The following PGR variants were observed in gnomAD, a reference collection of about 807,000 sequenced individuals.
PGR encodes the protein progesterone receptor.
Under a neutral mutation model 76.1 loss-of-function variants are expected in PGR, and 25 were observed. The ratio of observed to expected loss-of-function variants is 0.33; its 90% CI spans 0.24 to 0.46. The LOEUF is 0.46. Among genes scored for constraint, PGR ranks in the 20% least tolerant of loss-of-function variants. The pLI, the probability that PGR is intolerant of heterozygous loss-of-function variation, is 1.00. For synonymous variants in PGR, 579 were observed against 535.0 expected (o/e 1.08, Z -1.14); for missense variants, 1,172 against 1,225.3 (o/e 0.96, Z 0.65).
chr11:101,052,644 G>T (rs1368088428), intron 4 of PGR, among the ~76,000 whole-genome samples: 1 of 152,070 alleles, frequency 6.6e-6, no homozygotes, highest in Non-Finnish European at 1.5e-5. Flanking sequence ...GGATTCAAGG[G>T]AATAAGTCTG....
chr11:101,051,677 G>T, intron 4 of PGR, 109 bp from the exon 5 acceptor site: 2 of 771,350 alleles, frequency 2.6e-6, no homozygotes, highest in Non-Finnish European at 4.6e-6. Context: ...GTAATAAAAT[G>T]TTTTCAATCC....
At chr11:101,127,008 A>C (rs896105200) in intron 1 of PGR, 1 of 152,706 alleles carries the variant, frequency 6.5e-6, no homozygotes, top group Non-Finnish European at 1.5e-5. Context: ...CAAGACAAGC[A>C]CTCCTGGTAA....
rs993882020 is a variant in PGR, at chr11:101,129,404, G to A, written c.-334C>T. Reference sequence around the variant, plus strand: ...AGAGAGTTCTCCAACTTCTGTCCGAGGACTGGAGACGCAGAGTACTCACAA... The same window carrying A: ...AGAGAGTTCTCCAACTTCTGTCCGAAGACTGGAGACGCAGAGTACTCACAA... On this transcript the variant is annotated 5_prime_UTR_variant, in exon 1 of 8. Coordinates refer to ENST00000325455, the MANE Select transcript of PGR (RefSeq NM_000926.4). The A allele has an allele frequency of 3.2e-6, 1 of 315,038 alleles. No homozygotes were observed. The highest frequency in any genetic ancestry group is 5.9e-6 in the Non-Finnish European group (1 of 170,822). 19.5% of individuals were successfully genotyped at this position (315,038 alleles called of 1,614,324 possible). A position where few individuals can be genotyped will look rare whatever the true frequency, so the allele number is the denominator to read the frequency against.
At chr11:101,067,056 C>G (rs900500467) in intron 3 of PGR, among the ~76,000 whole-genome samples, 7 of 152,126 alleles carry the variant, frequency 4.6e-5, no homozygotes, top group Non-Finnish European at 1.0e-4. Flanking sequence ...GCCCAACTTA[C>G]CCTTGCATAG....
chr11:101,118,235 C>G (rs1345104543), intron 2 of PGR, among the ~76,000 whole-genome samples: 10 of 152,168 alleles, frequency 6.6e-5, no homozygotes, highest in Admixed American at 5.2e-4. Context: ...AAAAATAGAA[C>G]CTGTCTCATA....
At chr11:101,091,632 G>C (rs1218107820) in intron 3 of PGR, 128 bp downstream of exon 3, 2 of 695,762 alleles carry the variant, frequency 2.9e-6, no homozygotes, top group African/African-American at 1.8e-5. Flanking sequence ...CACATGTGCA[G>C]AGTCACTGCC....
chr11:101,109,889 A>C (rs531465889), intron 2 of PGR, among the ~76,000 whole-genome samples: 2 of 152,324 alleles, frequency 1.3e-5, no homozygotes, highest in East Asian at 3.9e-4. Flanking sequence ...GGGCTAATGA[A>C]GCTGGGCATT....
chr11:101,069,738 T>C (rs534200), intron 3 of PGR, among the ~76,000 whole-genome samples: 111,194 of 152,012 alleles, frequency 0.73, 41,007 homozygotes, highest in East Asian at 0.99. Context: ...AAACCATTCT[T>C]AGTAAATTAA....
Position 101,038,142 on chromosome 11 carries a change from A to G in PGR, c.*974T>C, listed in dbSNP as rs951473346. 7 of 193,320 alleles carry G rather than the reference A, an allele frequency of 3.6e-5. No individual in the cohort carries two copies. Among genetic ancestry groups the G allele is most frequent in the Non-Finnish European group, 1.1e-5 (1 of 92,666 alleles). The allele number at this position is 193,320 out of a possible 1,614,324, so 12.0% of individuals were successfully genotyped here. A position where few individuals can be genotyped will look rare whatever the true frequency, so the allele number is the denominator to read the frequency against. ...ATGAATTCATGATAGTGGAGGATAAAGAGGAGAAAGGTATGTGAATTGATA... is the reference window on the plus strand; with the variant it reads ...ATGAATTCATGATAGTGGAGGATAAGGAGGAGAAAGGTATGTGAATTGATA... On this transcript the variant is annotated 3_prime_UTR_variant, in exon 8 of 8. Transcript: ENST00000325455.
At chr11:101,081,361 G>A (rs928094222) in intron 3 of PGR, among the ~76,000 whole-genome samples, 4 of 151,902 alleles carry the variant, frequency 2.6e-5, no homozygotes, top group Admixed American at 1.3e-4. Context: ...CTTGGAGGGC[G>A]GAGGTTGCAG....
At chr11:101,121,818 C>T (rs73577765) in intron 2 of PGR, among the ~76,000 whole-genome samples, 40 of 152,290 alleles carry the variant, frequency 2.6e-4, no homozygotes, top group African/African-American at 9.1e-4. Flanking sequence ...TCAATAAATA[C>T]ATGAACTAAT....
chr11:101,062,471 C>T lies in PGR; in HGVS notation c.2188G>A (p.Val730Ile). The T allele has an allele frequency of 6.2e-7, 1 of 1,613,770 alleles. No homozygotes were observed. Among genetic ancestry groups the T allele is most frequent in the Non-Finnish European group, 8.5e-7 (1 of 1,179,722 alleles). The change falls in exon 4 of 8, where the codon GTC (valine) becomes ATC (isoleucine). Residue 730 changes from valine to isoleucine, a missense_variant. Val to Ile is a conservative substitution (Grantham distance 29). Around this residue, in one of 4 missense-constraint regions of PGR, gnomAD observed 166 missense variants for 296.0 expected, o/e 0.56. Transcript: ENST00000325455. Reference protein sequence around the residue: ...QLGERQLLSVVKWSKSLPGFR... With the variant: ...QLGERQLLSVIKWSKSLPGFR... ...CCTGGCAATGATTTAGACCACTTGA[C>T]TACTGAAAGAAGTTGCCTCTCGCCT...
At chr11:101,079,979 G>T (rs971431767) in intron 3 of PGR, among the ~76,000 whole-genome samples, 1 of 152,136 alleles carries the variant, frequency 6.6e-6, no homozygotes, top group Non-Finnish European at 1.5e-5. Context: ...ATTTGCAGCT[G>T]AGGAGGTTTC....
chr11:101,060,044 G>A (rs904384967), intron 4 of PGR, among the ~76,000 whole-genome samples: 27 of 152,100 alleles, frequency 1.8e-4, no homozygotes, highest in Admixed American at 8.5e-4. Context: ...CTTCATAAAC[G>A]CTGTCACCTT....
chr11:101,070,174 C>T (rs1051139376), intron 3 of PGR, among the ~76,000 whole-genome samples: 5 of 152,154 alleles, frequency 3.3e-5, no homozygotes, highest in East Asian at 3.9e-4. Context: ...CCATGGAGAG[C>T]GAGCTGAAGC....
rs1471826896 is a variant in PGR at position 101,042,101 on chromosome 11, A to G, written c.2490T>C (p.Ile830=). Residue 830 remains isoleucine, a splice_region_variant and synonymous_variant, in exon 7 of 8, where the codon ATT becomes ATC. Transcript: ENST00000325455. Reference sequence around the variant, plus strand: ...TTTGACTTCGTAGCCCTTCCAAAGGAACTGTTAAGAAGACAATTAAAAGTG... The same window carrying G: ...TTTGACTTCGTAGCCCTTCCAAAGGGACTGTTAAGAAGACAATTAAAAGTG... ...CMKVLLLLNT[I]PLEGLRSQTQ... 3.1e-6 allele frequency: 5 copies of G among 1,613,286 alleles called. No homozygotes were observed. Among genetic ancestry groups the G allele is most frequent in the Non-Finnish European group, 4.2e-6 (5 of 1,179,498 alleles).
chr11:101,129,350 T>A lies in PGR; in HGVS notation c.-280A>T, dbSNP rs1863026637. ...AGAAAAAGTAGTAATTGTTAGGAGA[T>A]CTCGTCTCCTAACTCGGGGAGTTCT... On this transcript the variant is annotated 5_prime_UTR_variant, in exon 1 of 8. Coordinates refer to ENST00000325455, the MANE Select transcript of PGR (RefSeq NM_000926.4). 4.9e-6 allele frequency: 2 copies of A among 405,092 alleles called. No homozygotes were observed. The highest frequency in any genetic ancestry group is 7.4e-5 in the East Asian group (2 of 26,946). 25.1% of individuals were successfully genotyped at this position (405,092 alleles called of 1,614,324 possible).
chr11:101,052,269 C>CTGTG (rs55925008), intron 4 of PGR, among the ~76,000 whole-genome samples: 278 of 141,932 alleles, frequency 2.0e-3, no homozygotes, highest in African/African-American at 6.1e-3. Context: ...GATTTAGAAT[C>CTGTG]TGTGTGTGTG....
intron 2 of PGR, among the ~76,000 whole-genome samples, chr11:101,122,468 T>C (rs1862710274): frequency 6.6e-6 from 1 of 152,222 alleles, no homozygotes; most frequent in Non-Finnish European, 1.5e-5. Context: ...TCCTTCATCA[T>C]ACCAGGTTAG....
Sources: allele counts gnomAD v4.1 joint callset (sites outside exome capture counted in the v4.1 genomes callset), GRCh38; gene constraint gnomAD v4.1.1; regional missense constraint gnomAD v4.1.1; transcripts MANE v1.5; gene names NCBI Gene and HGNC (gene_info 2026-07-23, HGNC 2026-07-21).